CADM2: variants seen among roughly 807,000 people sequenced by gnomAD.
CADM2 encodes cell adhesion molecule 2, also known as immunoglobulin superfamily member 4D.
CADM2 carries 12 observed loss-of-function variants against 49.8 expected under a neutral mutation model. The observed-to-expected ratio is 0.24, with a 90% CI of 0.15 to 0.39. CADM2 has a LOEUF of 0.39. Among genes scored for constraint, CADM2 ranks in the 10% least tolerant of loss-of-function variants. The probability of loss-of-function intolerance (pLI) is 1.00; values close to 1 mark genes in which losing one functional copy is unlikely to be tolerated. For synonymous variants in CADM2, 214 were observed against 175.4 expected (o/e 1.22, Z -1.74); for missense variants, 378 against 492.3 (o/e 0.77, Z 2.20).
At chr3:85,615,745 A>T (rs757674592) in intron 1 of CADM2, among the ~76,000 whole-genome samples, 4 of 151,746 alleles carry the variant, frequency 2.6e-5, no homozygotes, top group Non-Finnish European at 5.9e-5. Context: ...AATTCACATG[A>T]TGCTGCCCTA....
chr3:85,218,841 T>C (rs536239935), intron 1 of CADM2, among the ~76,000 whole-genome samples: 1 of 152,262 alleles, frequency 6.6e-6, no homozygotes, highest in South Asian at 2.1e-4. Context: ...TGATGGCAAT[T>C]TTCCAAATCA....
At chr3:85,530,107 C>T (rs1347298656) in intron 1 of CADM2, among the ~76,000 whole-genome samples, 2 of 151,924 alleles carry the variant, frequency 1.3e-5, no homozygotes, top group South Asian at 2.1e-4. Context: ...ACAGTGCCCC[C>T]CATACTGTTC....
chr3:85,545,627 G>A (rs1313151301), intron 1 of CADM2, among the ~76,000 whole-genome samples: 1 of 152,120 alleles, frequency 6.6e-6, no homozygotes, highest in Non-Finnish European at 1.5e-5. Flanking sequence ...TAGATGCTCT[G>A]AAACTATGAG....
At chr3:85,592,778 A>G (rs1013081413) in intron 1 of CADM2, among the ~76,000 whole-genome samples, 4 of 151,900 alleles carry the variant, frequency 2.6e-5, no homozygotes, top group African/African-American at 9.7e-5. Context: ...ATAGGTATAC[A>G]TGTGCCATGG....
intron 5 of CADM2, among the ~76,000 whole-genome samples, chr3:85,888,867 C>A (rs1287428842): frequency 6.6e-6 from 1 of 152,080 alleles, no homozygotes; most frequent in Non-Finnish European, 1.5e-5. Context: ...CCTTATCTGG[C>A]ACTATTTTGT....
chr3:85,215,041 C>G (rs561955538), intron 1 of CADM2, among the ~76,000 whole-genome samples: 67 of 152,176 alleles, frequency 4.4e-4, no homozygotes, highest in Non-Finnish European at 3.5e-4. Context: ...CCCTCCATGG[C>G]CACCGTAGCT....
At chr3:85,125,699 A>G (rs1358621420) in intron 1 of CADM2, among the ~76,000 whole-genome samples, 1 of 152,110 alleles carries the variant, frequency 6.6e-6, no homozygotes, top group African/African-American at 2.4e-5. Flanking sequence ...TACTTAGACA[A>G]TTTATTTCAT....
At chr3:85,628,945 T>G (rs1009506389) in intron 1 of CADM2, among the ~76,000 whole-genome samples, 5 of 151,622 alleles carry the variant, frequency 3.3e-5, no homozygotes, top group Non-Finnish European at 5.9e-5. Context: ...AGTGTCTTAA[T>G]GTAGCATGAC....
At chr3:85,567,049 G>T (rs1255761010) in intron 1 of CADM2, among the ~76,000 whole-genome samples, 1 of 152,038 alleles carries the variant, frequency 6.6e-6, no homozygotes, top group East Asian at 1.9e-4. Flanking sequence ...GTAAACCTGG[G>T]TTTGAATCCA....
chr3:85,098,881 T>C (rs1038996054), intron 1 of CADM2, among the ~76,000 whole-genome samples: 9 of 152,198 alleles, frequency 5.9e-5, no homozygotes, highest in Non-Finnish European at 7.3e-5. Flanking sequence ...GGATCAACTG[T>C]AATTTTGAAA....
chr3:85,648,042 A>T (rs996826538), intron 1 of CADM2, among the ~76,000 whole-genome samples: 1 of 151,710 alleles, frequency 6.6e-6, no homozygotes, highest in Admixed American at 6.6e-5. Flanking sequence ...CATCTTGCCC[A>T]TTAAGAAACT....
chr3:85,962,638 A>C (rs1195414805), intron 8 of CADM2, among the ~76,000 whole-genome samples: 2 of 151,948 alleles, frequency 1.3e-5, no homozygotes, highest in African/African-American at 4.8e-5. Context: ...AGATTGATGA[A>C]TATTGCAATA....
At chr3:85,196,232 T>A (rs2041341006) in intron 1 of CADM2, among the ~76,000 whole-genome samples, 1 of 152,020 alleles carries the variant, frequency 6.6e-6, no homozygotes, top group East Asian at 1.9e-4. Context: ...TAATCATAAT[T>A]TAAAATTAGT....
intron 1 of CADM2, among the ~76,000 whole-genome samples, chr3:85,586,312 C>A (rs1389990422): frequency 1.3e-5 from 2 of 151,978 alleles, no homozygotes; most frequent in Non-Finnish European, 2.9e-5. Context: ...AAATCAAATT[C>A]TAAGCAATTC....
intron 1 of CADM2, among the ~76,000 whole-genome samples, chr3:85,716,955 A>G (rs1324498143): frequency 6.6e-6 from 1 of 151,942 alleles, no homozygotes; most frequent in Non-Finnish European, 1.5e-5. Flanking sequence ...GTTCTTTTTG[A>G]TTAGGATTGT....
chr3:85,223,157 G>T (rs1272867668), intron 1 of CADM2, among the ~76,000 whole-genome samples: 1 of 152,030 alleles, frequency 6.6e-6, no homozygotes, highest in East Asian at 1.9e-4. Flanking sequence ...TTATTTACTG[G>T]TAAGTCAGAG....
At chr3:85,559,150 T>TCTGTTAG (rs1294274838) in intron 1 of CADM2, among the ~76,000 whole-genome samples, 1 of 152,234 alleles carries the variant, frequency 6.6e-6, no homozygotes, top group East Asian at 1.9e-4. Context: ...TTATCTGTTA[T>TCTGTTAG]CTTGTGATAT....
Position 85,100,613 on chromosome 3 carries a change from A to G in CADM2, c.61+140945A>G, listed in dbSNP as rs558493515. Among the ~76,000 whole-genome samples, 24 of 152,310 alleles carry G rather than the reference A, an allele frequency of 1.6e-4. No homozygotes were observed. In the South Asian group the frequency reaches 4.6e-3, roughly 29 times the overall value. On this transcript the variant is annotated intron_variant, in intron 1 of 9. Transcript: ENST00000383699. The stretch of plus-strand genomic sequence containing the variant: ...AAAATATATTTAAAGCACCAAAAAC[A>G]TGGCAGAGAGTCAAAACAAATTTTC...
chr3:85,444,594 A>G (rs1255838356), intron 1 of CADM2, among the ~76,000 whole-genome samples: 1 of 151,512 alleles, frequency 6.6e-6, no homozygotes, highest in African/African-American at 2.4e-5. Flanking sequence ...TTTCGTGACC[A>G]CCTCATTTCG....
Sources: gnomAD v4.1 joint callset for allele counts (sites outside exome capture counted in the v4.1 genomes callset) on GRCh38, gnomAD v4.1.1 for gene constraint, MANE v1.5 for transcripts, NCBI Gene and HGNC (gene_info 2026-07-23, HGNC 2026-07-21) for gene names.